The following UBE2V2 variants were observed in gnomAD, a reference collection of about 807,000 sequenced individuals.
UBE2V2 encodes ubiquitin conjugating enzyme E2 V2, also known as ubiquitin-conjugating enzyme E2 variant 2.
Under a neutral mutation model 17.2 loss-of-function variants are expected in UBE2V2, and 9 were observed. The observed-to-expected ratio is 0.52, with a 90% CI of 0.32 to 0.91. The LOEUF (loss-of-function observed/expected upper bound fraction) is 0.91, where lower values mean the gene tolerates loss of function less well. UBE2V2 is among the 40% of genes least tolerant of loss of function. The pLI, the probability that UBE2V2 is intolerant of heterozygous loss-of-function variation, is 0.04. For missense variants in UBE2V2, 133 were observed against 182.6 expected (o/e 0.73, Z 1.56); for synonymous variants, 61 against 57.5 (o/e 1.06, Z -0.28).
intron 1 of UBE2V2, among the ~76,000 whole-genome samples, chr8:48,009,596 CAA>C (rs536847896): frequency 4.5e-4 from 68 of 152,212 alleles, no homozygotes; most frequent in African/African-American, 1.6e-3. Flanking sequence ...TTCGTTGAAA[CAA>C]GAGTATAGAG....
At chr8:48,016,562 A>G (rs2154506820) in intron 1 of UBE2V2, among the ~76,000 whole-genome samples, 1 of 151,648 alleles carries the variant, frequency 6.6e-6, no homozygotes, top group South Asian at 2.1e-4. Context: ...GGCTCATTGC[A>G]ACCTCCACCT....
At chr8:48,058,933 G>T (rs1214768482) in intron 3 of UBE2V2, among the ~76,000 whole-genome samples, 1 of 151,966 alleles carries the variant, frequency 6.6e-6, no homozygotes, top group Non-Finnish European at 1.5e-5. Context: ...TGGAGATGGA[G>T]TCTTGCTCTG....
chr8:48,047,626 C>T (rs566027248), intron 2 of UBE2V2, among the ~76,000 whole-genome samples: 1 of 151,506 alleles, frequency 6.6e-6, no homozygotes, highest in East Asian at 1.9e-4. Flanking sequence ...GGCGTGATCT[C>T]AGCTCACTGC....
intron 1 of UBE2V2, among the ~76,000 whole-genome samples, chr8:48,041,176 T>G (rs978805846): frequency 5.4e-4 from 79 of 145,674 alleles, no homozygotes; most frequent in Middle Eastern, 3.8e-3. Context: ...TTTTGTTGTT[T>G]TTTTTTTTTT....
At chr8:48,028,457 G>C (rs947648106) in intron 1 of UBE2V2, among the ~76,000 whole-genome samples, 1 of 151,452 alleles carries the variant, frequency 6.6e-6, no homozygotes, top group Admixed American at 6.6e-5. Flanking sequence ...TCCTGCCTCA[G>C]CCTCTCAAGT....
At chr8:48,038,886 G>A (rs1725136766) in intron 1 of UBE2V2, among the ~76,000 whole-genome samples, 2 of 151,556 alleles carry the variant, frequency 1.3e-5, no homozygotes, top group Admixed American at 1.3e-4. Context: ...CAAAGTGTTG[G>A]GATTACAGGC....
chr8:48,007,288 G>A (rs527820035), upstream of UBE2V2, among the ~76,000 whole-genome samples: 1 of 152,042 alleles, frequency 6.6e-6, no homozygotes, highest in African/African-American at 2.4e-5. Context: ...AGAAATAAAG[G>A]GTATTCAATT....
chr8:48,003,134 C>T, the UBE2V2 span, among the ~76,000 whole-genome samples: 2 of 149,066 alleles, frequency 1.3e-5, no homozygotes, highest in African/African-American at 2.5e-5. Context: ...CGCTTGAACT[C>T]GGGAGGTGGA....
At chr8:48,035,850 C>T (rs1180645007) in intron 1 of UBE2V2, among the ~76,000 whole-genome samples, 9 of 149,832 alleles carry the variant, frequency 6.0e-5, no homozygotes, top group East Asian at 2.0e-4. Flanking sequence ...GAGATCATGC[C>T]GCTGCACTGT....
In UBE2V2 at chr8:48,043,048, G is replaced by A. The variant is rs1271581149; in HGVS notation, c.32G>A (p.Arg11His). Residue 11 changes from arginine to histidine, a missense_variant, in exon 2 of 4, where the codon CGT becomes CAT. This residue lies in a region of UBE2V2 where 27 missense variants were observed against 20.1 expected (regional missense o/e 1.34). Transcript: ENST00000523111. ...TTTTGTATAGGAGTTAAAGTTCCTC[G>A]TAATTTTCGCTTGTTGGAAGAACTT... MAVSTGVKVP[R>H]NFRLLEELEE... is the part of the protein sequence containing the mutation. The A allele has an allele frequency of 5.7e-6, 9 of 1,570,512 alleles. No individual in the cohort carries two copies. Among genetic ancestry groups the A allele is most frequent in the Admixed American group, 3.7e-5 (2 of 54,588 alleles).
chr8:48,007,626 G>A (rs1341646219), upstream of UBE2V2, among the ~76,000 whole-genome samples: 1 of 143,514 alleles, frequency 7.0e-6, no homozygotes, highest in African/African-American at 2.7e-5. Flanking sequence ...TGTTGTCCAA[G>A]CTGGTCTCAA....
At chr8:48,010,473 C>A (rs1338660973) in intron 1 of UBE2V2, among the ~76,000 whole-genome samples, 1 of 149,702 alleles carries the variant, frequency 6.7e-6, no homozygotes, top group East Asian at 2.0e-4. Context: ...GCGATCTCGG[C>A]TCACTGCAAC....
intron 1 of UBE2V2, among the ~76,000 whole-genome samples, chr8:48,022,054 A>G (rs1022719943): frequency 6.6e-6 from 1 of 152,136 alleles, no homozygotes; most frequent in Non-Finnish European, 1.5e-5. Flanking sequence ...ATTTTAAACT[A>G]ATAACAACTT....
intron 1 of UBE2V2, among the ~76,000 whole-genome samples, chr8:48,020,632 C>T (rs1192958279): frequency 6.6e-6 from 1 of 152,034 alleles, no homozygotes; most frequent in Non-Finnish European, 1.5e-5. Context: ...TGATTCCTCG[C>T]CTTTTTATTT....
At chr8:48,014,964 G>A (rs533872969) in intron 1 of UBE2V2, among the ~76,000 whole-genome samples, 4 of 151,182 alleles carry the variant, frequency 2.6e-5, no homozygotes, top group African/African-American at 9.7e-5. Context: ...GCAGTAGAAT[G>A]GCATGAACCC....
chr8:48,039,832 C>T (rs568239896), intron 1 of UBE2V2, among the ~76,000 whole-genome samples: 39 of 152,038 alleles, frequency 2.6e-4, no homozygotes, highest in African/African-American at 8.9e-4. Flanking sequence ...TCCCTGGGCT[C>T]AGGTGATCCC....
rs1473562117 is a variant in UBE2V2 at position 48,064,599 on chromosome 8, C to G, written c.*3771C>G. ...TTGTGGAGTGTTGAAAATAAAGATACACAATAAGTATTTTCTGAAGAGAAA... is the reference window on the plus strand; with the variant it reads ...TTGTGGAGTGTTGAAAATAAAGATAGACAATAAGTATTTTCTGAAGAGAAA... On this transcript the variant is annotated 3_prime_UTR_variant, in exon 4 of 4. Transcript: ENST00000523111. 6.6e-6 allele frequency: 1 copy of G among 151,822 alleles called. No homozygotes were observed. The highest frequency in any genetic ancestry group is 6.6e-5 in the Admixed American group (1 of 15,210). The allele number at this position is 151,822 out of a possible 1,614,324, so 9.4% of individuals were successfully genotyped here. A position where few individuals can be genotyped will look rare whatever the true frequency, so the allele number is the denominator to read the frequency against.
the UBE2V2 span, among the ~76,000 whole-genome samples, chr8:48,001,925 A>G: frequency 2.6e-5 from 4 of 152,152 alleles, no homozygotes; most frequent in African/African-American, 7.2e-5. Flanking sequence ...CCCCATCTCT[A>G]CTAAAAATAC....
At position 48,061,048 on chromosome 8, in the gene UBE2V2, T is replaced by C. The variant is rs1802584456; in HGVS notation, c.*220T>C. On this transcript the variant is annotated 3_prime_UTR_variant, in exon 4 of 4. Coordinates refer to ENST00000523111, the MANE Select transcript of UBE2V2 (RefSeq NM_003350.3). Reference sequence around the variant, plus strand: ...CAATTTTTTTTCTCTTGAAAGGCACTGTCATTTAAACATAAACCTGGAGTA... The same window carrying C: ...CAATTTTTTTTCTCTTGAAAGGCACCGTCATTTAAACATAAACCTGGAGTA... The C allele has an allele frequency of 6.0e-6, 2 of 335,960 alleles. No homozygotes were observed. 20.8% of individuals were successfully genotyped at this position (335,960 alleles called of 1,614,324 possible). A position where few individuals can be genotyped will look rare whatever the true frequency, so the allele number is the denominator to read the frequency against.
Sources: gnomAD v4.1 joint callset for allele counts (sites outside exome capture counted in the v4.1 genomes callset) on GRCh38, gnomAD v4.1.1 for gene constraint, gnomAD v4.1.1 regional missense constraint, MANE v1.5 for transcripts, NCBI Gene and HGNC (gene_info 2026-07-23, HGNC 2026-07-21) for gene names.